Variants in ADAMTSL1 observed in about 807,000 individuals in gnomAD.
ADAMTSL1 encodes the protein ADAMTS-like protein 1.
Under a neutral mutation model 201.8 loss-of-function variants are expected in ADAMTSL1, and 126 were observed. The ratio of observed to expected loss-of-function variants is 0.62; its 90% CI spans 0.54 to 0.72. The LOEUF (loss-of-function observed/expected upper bound fraction) is 0.72, where lower values mean the gene tolerates loss of function less well. ADAMTSL1 is among the 30% of genes least tolerant of loss of function. The pLI is 0.00. For missense variants in ADAMTSL1, 2,679 were observed against 2,277.8 expected (o/e 1.18, Z -3.59); for synonymous variants, 1,121 against 903.4 (o/e 1.24, Z -4.32).
chr9:18,190,740 G>C (rs1313572791), intron 2 of ADAMTSL1, among the ~76,000 whole-genome samples: 1 of 152,084 alleles, frequency 6.6e-6, no homozygotes, highest in Non-Finnish European at 1.5e-5. Flanking sequence ...CTTATTGTTT[G>C]CTCCCGTCCA....
chr9:18,303,532 A>T (rs1170218577), intron 2 of ADAMTSL1, among the ~76,000 whole-genome samples: 3 of 152,136 alleles, frequency 2.0e-5, no homozygotes, highest in Non-Finnish European at 4.4e-5. Flanking sequence ...CAGCTACCAT[A>T]AAGGTCAACA....
chr9:17,931,032 A>C (rs1382103788), intron 1 of ADAMTSL1, among the ~76,000 whole-genome samples: 2 of 152,150 alleles, frequency 1.3e-5, no homozygotes, highest in Non-Finnish European at 2.9e-5. Flanking sequence ...CTTTTGATGA[A>C]CTACAAATAA....
chr9:18,075,855 G>T (rs1189170757), intron 1 of ADAMTSL1, among the ~76,000 whole-genome samples: 3 of 152,118 alleles, frequency 2.0e-5, no homozygotes, highest in Admixed American at 1.3e-4. Context: ...GCCTGTAAAA[G>T]GTGCTGAGTG....
intron 10 of ADAMTSL1, among the ~76,000 whole-genome samples, chr9:18,677,063 A>G (rs997956326): frequency 5.3e-5 from 8 of 152,084 alleles, no homozygotes; most frequent in African/African-American, 1.7e-4. Context: ...CGATGTTTAT[A>G]TAATACATAT....
At chr9:18,298,145 C>G (rs923074005) in intron 2 of ADAMTSL1, among the ~76,000 whole-genome samples, 3 of 152,130 alleles carry the variant, frequency 2.0e-5, no homozygotes, top group African/African-American at 7.2e-5. Context: ...GAATTCACAG[C>G]TCAGGTGAGG....
chr9:18,014,414 AAC>A (rs2131564643), intron 1 of ADAMTSL1, among the ~76,000 whole-genome samples: 1 of 152,218 alleles, frequency 6.6e-6, no homozygotes, highest in Non-Finnish European at 1.5e-5. Flanking sequence ...TTTGTTCACT[AAC>A]AGAATTTCCT....
chr9:18,894,738 G>C (rs1015188375), intron 26 of ADAMTSL1, among the ~76,000 whole-genome samples: 1 of 152,222 alleles, frequency 6.6e-6, no homozygotes, highest in Non-Finnish European at 1.5e-5. Flanking sequence ...TTAAAAGAGA[G>C]CTATGCTAAA....
At chr9:18,029,793 A>T (rs973985980) in intron 1 of ADAMTSL1, among the ~76,000 whole-genome samples, 2 of 152,250 alleles carry the variant, frequency 1.3e-5, no homozygotes, top group Non-Finnish European at 2.9e-5. Flanking sequence ...AACACATGAA[A>T]AAACGCTCTT....
intron 1 of ADAMTSL1, among the ~76,000 whole-genome samples, chr9:17,959,187 T>C (rs1817618893): frequency 6.6e-6 from 1 of 152,180 alleles, no homozygotes; most frequent in Non-Finnish European, 1.5e-5. Flanking sequence ...GACGGCAAAC[T>C]AAAAGTTAAA....
At chr9:18,785,079 G>T in intron 19 of ADAMTSL1, among the ~76,000 whole-genome samples, 1 of 152,142 alleles carries the variant, frequency 6.6e-6, no homozygotes, top group East Asian at 1.9e-4. Flanking sequence ...CAGGAGAATC[G>T]CTTGAACGCA....
chr9:18,704,578 A>G (rs1832122558), intron 13 of ADAMTSL1, among the ~76,000 whole-genome samples: 1 of 152,236 alleles, frequency 6.6e-6, no homozygotes, highest in Admixed American at 6.5e-5. Flanking sequence ...TTGTGTCTGC[A>G]TCTGTGTGAT....
Position 18,171,361 on chromosome 9 carries a change from A to C in ADAMTSL1, c.207+7380A>C, listed in dbSNP as rs771255084. On this transcript the variant is annotated intron_variant, in intron 2 of 29. Coordinates refer to the ADAMTSL1 transcript ENST00000680146. ...TAAAACTTAAAAATGAACTTGTATA[A>C]GAATTTACTTAACTAGGACATAAAA... Among the ~76,000 whole-genome samples the C allele has an allele frequency of 6.2e-4, 94 of 152,202 alleles. 1 individual carries two copies. Among genetic ancestry groups the C allele is most frequent in the Middle Eastern group, 3.4e-3 (1 of 294 alleles).
intron 5 of ADAMTSL1, among the ~76,000 whole-genome samples, chr9:18,629,491 A>C (rs944867389): frequency 6.6e-6 from 1 of 152,204 alleles, no homozygotes; most frequent in Non-Finnish European, 1.5e-5. Context: ...TTTTACCTCA[A>C]CTGACAAAGT....
intron 3 of ADAMTSL1, among the ~76,000 whole-genome samples, chr9:18,571,886 G>T (rs1354791327): frequency 2.6e-5 from 4 of 152,168 alleles, no homozygotes; most frequent in Admixed American, 2.6e-4. Context: ...AAAGGAGCTT[G>T]TGTTAAACAT....
chr9:18,447,236 CT>C (rs1820226185), intron 2 of ADAMTSL1, among the ~76,000 whole-genome samples: 1 of 152,096 alleles, frequency 6.6e-6, no homozygotes, highest in Non-Finnish European at 1.5e-5. Flanking sequence ...TGCTCAAGGG[CT>C]CCGTGAGAAA....
rs187849249 is a variant in ADAMTSL1, at chr9:18,519,128, T to G, written c.192-14119T>G. On this transcript the variant is annotated intron_variant, in intron 2 of 28. Coordinates refer to ENST00000380548, the MANE Select transcript of ADAMTSL1 (RefSeq NM_001040272.6). Reference sequence around the variant, plus strand: ...CCCCTGAGTCTCACCATGCTATATTTGTGAGGAATTTGTTTGCATCACCTT... The same window carrying G: ...CCCCTGAGTCTCACCATGCTATATTGGTGAGGAATTTGTTTGCATCACCTT... Among the ~76,000 whole-genome samples the G allele has an allele frequency of 1.1e-4, 16 of 152,368 alleles. No homozygotes were observed. The East Asian group carries it at 3.1e-3, about 29-fold the overall frequency.
intron 3 of ADAMTSL1, among the ~76,000 whole-genome samples, chr9:18,551,686 T>A (rs1820807869): frequency 6.6e-6 from 1 of 151,724 alleles, no homozygotes. Context: ...GGTGCCTCAG[T>A]CTCCTCATTT....
At chr9:17,977,463 A>G (rs553484268) in intron 1 of ADAMTSL1, among the ~76,000 whole-genome samples, 8 of 152,088 alleles carry the variant, frequency 5.3e-5, no homozygotes, top group Middle Eastern at 6.8e-3. Flanking sequence ...TATTGATTCA[A>G]TCTCCTTACT....
Position 18,045,107 on chromosome 9 carries a change from C to G in ADAMTSL1, c.88-118755C>G, listed in dbSNP as rs997816075. Reference sequence around the variant, plus strand: ...GGTGACTTCCATGACCTCTCTGGGGCTCTAGTTCCTCATCAGGAAAGAAAG... The same window carrying G: ...GGTGACTTCCATGACCTCTCTGGGGGTCTAGTTCCTCATCAGGAAAGAAAG... On this transcript the variant is annotated intron_variant, in intron 1 of 29. Transcript: ENST00000680146. 4.3e-4 allele frequency among the ~76,000 whole-genome samples: 65 copies of G among 152,206 alleles called. 1 individual carries two copies. Among genetic ancestry groups the G allele is most frequent in the African/African-American group, 1.5e-3 (62 of 41,558 alleles).
Sources: gnomAD v4.1 joint callset for allele counts (sites outside exome capture counted in the v4.1 genomes callset) on GRCh38, gnomAD v4.1.1 for gene constraint, MANE v1.5 for transcripts, NCBI Gene and HGNC (gene_info 2026-07-23, HGNC 2026-07-21) for gene names.